The following WWOX variants were observed in gnomAD, a reference collection of about 807,000 sequenced individuals.
WWOX encodes WW domain containing oxidoreductase.
WWOX carries 69 observed loss-of-function variants against 46.2 expected under a neutral mutation model. The observed-to-expected ratio is 1.49, with a 90% CI of 1.23 to 1.82. WWOX has a LOEUF of 1.82. Ranked by LOEUF, WWOX falls within the 40% of genes most tolerant of loss-of-function variation. The pLI, the probability that WWOX is intolerant of heterozygous loss-of-function variation, is 0.00. For synonymous variants in WWOX, 359 were observed against 202.6 expected (o/e 1.77, Z -6.56); for missense variants, 919 against 542.6 (o/e 1.69, Z -6.89).
At chr16:78,609,562 A>G (rs1185146058) in intron 8 of WWOX, among the ~76,000 whole-genome samples, 1 of 142,658 alleles carries the variant, frequency 7.0e-6, no homozygotes, top group Non-Finnish European at 1.5e-5. Flanking sequence ...TCTTTTTCCC[A>G]GACTCCTCAT....
chr16:79,080,394 A>G (rs2048738171), intron 8 of WWOX, among the ~76,000 whole-genome samples: 1 of 152,178 alleles, frequency 6.6e-6, no homozygotes, highest in Admixed American at 6.5e-5. Context: ...TTATAGTCAC[A>G]ACCATACCTA....
rs549302728 is a variant in WWOX, at chr16:78,472,031, C to G, written c.1056+39279C>G. On this transcript the variant is annotated intron_variant, in intron 8 of 8. Coordinates refer to ENST00000566780, the MANE Select transcript of WWOX (RefSeq NM_016373.4). The stretch of plus-strand genomic sequence containing the variant: ...CAGCGAAGACATTCCTTTGATTATT[C>G]TGGTTAGGTGTTATGATGCCAATTT... Among the ~76,000 whole-genome samples the G allele has an allele frequency of 2.6e-4, 39 of 152,268 alleles. No individual in the cohort carries two copies. The South Asian group carries it at 7.1e-3, about 28-fold the overall frequency.
intron 6 of WWOX, among the ~76,000 whole-genome samples, chr16:78,409,336 C>T (rs74028188): frequency 6.6e-6 from 1 of 152,096 alleles, no homozygotes; most frequent in East Asian, 1.9e-4. Flanking sequence ...GTGCCATCAC[C>T]CCCCAAATGT....
intron 8 of WWOX, among the ~76,000 whole-genome samples, chr16:78,768,224 G>A (rs1275189700): frequency 7.4e-6 from 1 of 134,300 alleles, no homozygotes; most frequent in Non-Finnish European, 1.6e-5. Flanking sequence ...CTAGGTCACA[G>A]TAGAAAAAAG....
intron 8 of WWOX, among the ~76,000 whole-genome samples, chr16:79,127,982 AAG>A (rs1278113042): frequency 6.6e-6 from 1 of 152,188 alleles, no homozygotes; most frequent in African/African-American, 2.4e-5. Context: ...ATAGAGGAAC[AAG>A]AGAGAGAGAA....
intron 8 of WWOX, among the ~76,000 whole-genome samples, chr16:79,007,685 A>G (rs2047217206): frequency 6.6e-6 from 1 of 152,252 alleles, no homozygotes; most frequent in Non-Finnish European, 1.5e-5. Flanking sequence ...CAGATGAAGA[A>G]GTAGATTTCA....
chr16:78,536,869 G>C (rs2151520431), intron 8 of WWOX, among the ~76,000 whole-genome samples: 1 of 147,196 alleles, frequency 6.8e-6, no homozygotes, highest in South Asian at 2.2e-4. Context: ...CGTTTATTGA[G>C]TACTTAGTAT....
At chr16:78,187,262 A>C (rs962264256) in intron 5 of WWOX, among the ~76,000 whole-genome samples, 1 of 152,190 alleles carries the variant, frequency 6.6e-6, no homozygotes, top group Non-Finnish European at 1.5e-5. Flanking sequence ...AGTTATGCCA[A>C]ACTTTGCAAG....
intron 8 of WWOX, among the ~76,000 whole-genome samples, chr16:78,542,598 C>G (rs548723246): frequency 5.3e-5 from 8 of 152,086 alleles, no homozygotes; most frequent in African/African-American, 1.9e-4. Context: ...AAGCAGGTTC[C>G]TACCGCACAG....
intron 8 of WWOX, among the ~76,000 whole-genome samples, chr16:78,732,769 A>T (rs187388666): frequency 6.6e-6 from 1 of 152,170 alleles, no homozygotes; most frequent in South Asian, 2.1e-4. Context: ...GCATACTCCT[A>T]TCTGGACTGT....
chr16:78,164,055 C>T, intron 4 of WWOX, 128 bp from the exon 5 acceptor site: 1 of 866,404 alleles, frequency 1.2e-6, no homozygotes, highest in South Asian at 1.4e-5. Flanking sequence ...CTTCTGTCCC[C>T]TGGGGATCAA....
At position 78,593,149 on chromosome 16, in the gene WWOX, C is replaced by T. The variant is rs538119945; in HGVS notation, c.1056+160397C>T. Among the ~76,000 whole-genome samples the T allele has an allele frequency of 3.6e-4, 55 of 152,306 alleles. No homozygotes were observed. In the South Asian group the frequency reaches 9.3e-3, roughly 26 times the overall value. ...CCAAACCAGGTGTCATTGCCCTCCC[C>T]ACCCTACCTTGCTCCCCTGGAGTGT... On this transcript the variant is annotated intron_variant, in intron 8 of 8. Coordinates refer to ENST00000566780, the MANE Select transcript of WWOX (RefSeq NM_016373.4).
At chr16:78,822,750 G>A (rs1326051421) in intron 8 of WWOX, among the ~76,000 whole-genome samples, 2 of 152,138 alleles carry the variant, frequency 1.3e-5, no homozygotes, top group African/African-American at 4.8e-5. Context: ...ATTTAGGTTG[G>A]AATGCAAGGG....
intron 5 of WWOX, among the ~76,000 whole-genome samples, chr16:78,298,223 A>G (rs947178589): frequency 6.6e-6 from 1 of 152,174 alleles, no homozygotes; most frequent in Non-Finnish European, 1.5e-5. Flanking sequence ...TCTTAGCAGC[A>G]TGAGAAGGGA....
Position 78,947,284 on chromosome 16 carries a change from G to C in WWOX, c.1057-264324G>C, listed in dbSNP as rs150271524. On this transcript the variant is annotated intron_variant, in intron 8 of 8. Coordinates refer to ENST00000566780, the MANE Select transcript of WWOX (RefSeq NM_016373.4). ...AAGCCACTTAGATTTTTAACTCCCT[G>C]TTTCTGCCTGAAGCAATAAAGGCAG... Among the ~76,000 whole-genome samples the C allele has an allele frequency of 1.3e-5, 2 of 152,240 alleles. 1 individual carries two copies. The highest frequency in any genetic ancestry group is 4.8e-5 in the African/African-American group (2 of 41,556).
intron 8 of WWOX, among the ~76,000 whole-genome samples, chr16:79,132,919 TG>T (rs2049909712): frequency 6.6e-6 from 1 of 152,292 alleles, no homozygotes; most frequent in African/African-American, 2.4e-5. Flanking sequence ...GGATTAGTGG[TG>T]GGGCTTCTTG....
chr16:78,847,248 C>A (rs1022019782), intron 8 of WWOX, among the ~76,000 whole-genome samples: 1 of 152,126 alleles, frequency 6.6e-6, no homozygotes, highest in Admixed American at 6.5e-5. Flanking sequence ...TCTAGAACTT[C>A]TCAACAGAGT....
intron 8 of WWOX, among the ~76,000 whole-genome samples, chr16:78,999,066 C>T (rs1040773121): frequency 2.6e-5 from 4 of 151,608 alleles, no homozygotes; most frequent in South Asian, 2.1e-4. Flanking sequence ...ATATTCCGGA[C>T]GTGGAAATCA....
At chr16:78,811,457 T>C (rs2051186036) in intron 8 of WWOX, among the ~76,000 whole-genome samples, 1 of 152,038 alleles carries the variant, frequency 6.6e-6, no homozygotes, top group Non-Finnish European at 1.5e-5. Context: ...TCCTTTCCCT[T>C]TCCTTTCTCC....
Sources: allele counts gnomAD v4.1 joint callset (sites outside exome capture counted in the v4.1 genomes callset), GRCh38; gene constraint gnomAD v4.1.1; transcripts MANE v1.5; gene names NCBI Gene and HGNC (gene_info 2026-07-23, HGNC 2026-07-21).